ST18: variants seen among roughly 807,000 people sequenced by gnomAD.
The protein encoded by ST18 is suppression of tumorigenicity 18 protein.
Under a neutral mutation model 110.0 loss-of-function variants are expected in ST18, and 50 were observed. The observed-to-expected ratio is 0.45, with a 90% CI of 0.36 to 0.58. The LOEUF (loss-of-function observed/expected upper bound fraction) is 0.58, where lower values mean the gene tolerates loss of function less well. Among genes scored for constraint, ST18 ranks in the 20% least tolerant of loss-of-function variants. The pLI is 0.00. For missense variants in ST18, 1,306 were observed against 1,280.1 expected, an observed-to-expected ratio of 1.02 and a Z score of -0.31; for synonymous variants, 461 against 452.4, an observed-to-expected ratio of 1.02 and a Z score of -0.24.
chr8:52,208,480 T>A (rs1008762589), intron 8 of ST18, among the ~76,000 whole-genome samples: 2 of 152,224 alleles, frequency 1.3e-5, no homozygotes, highest in Admixed American at 6.5e-5. Flanking sequence ...TCTCCCAAGA[T>A]TTAGATAGAA....
At chr8:52,198,442 C>T (rs2076896464) in intron 8 of ST18, among the ~76,000 whole-genome samples, 1 of 152,158 alleles carries the variant, frequency 6.6e-6, no homozygotes, top group South Asian at 2.1e-4. Context: ...TAGATATACA[C>T]AGGTTTTGCT....
intron 3 of ST18, among the ~76,000 whole-genome samples, chr8:52,224,970 C>A (rs928835371): frequency 1.3e-5 from 2 of 152,148 alleles, no homozygotes; most frequent in Non-Finnish European, 2.9e-5. Context: ...AATGCTATGG[C>A]AACTCTCATA....
At chr8:52,239,413 G>GT (rs1307881179) in intron 2 of ST18, among the ~76,000 whole-genome samples, 1 of 152,106 alleles carries the variant, frequency 6.6e-6, no homozygotes, top group Non-Finnish European at 1.5e-5. Flanking sequence ...TCACAGTAAG[G>GT]TGCCTGCATG....
At chr8:52,295,877 G>C (rs577773307) in intron 2 of ST18, among the ~76,000 whole-genome samples, 8 of 152,042 alleles carry the variant, frequency 5.3e-5, no homozygotes, top group Non-Finnish European at 7.4e-5. Context: ...CTGCCTCCCA[G>C]TATGTTCTGC....
At chr8:52,389,621 G>C (rs142082827) in intron 2 of ST18, among the ~76,000 whole-genome samples, 20 of 152,298 alleles carry the variant, frequency 1.3e-4, no homozygotes, top group African/African-American at 4.3e-4. Flanking sequence ...GCAGAGCAGG[G>C]ATGGAAATCT....
rs990603565 is a variant in ST18 at position 52,299,392 on chromosome 8, T to C, written c.-464-69315A>G. Among the ~76,000 whole-genome samples the C allele has an allele frequency of 3.3e-5, 5 of 152,234 alleles. No individual in the cohort carries two copies. In the East Asian group the frequency reaches 9.6e-4, roughly 29 times the overall value. Reference sequence around the variant, plus strand: ...AAACTTTCAATCACATTTTTATTACTAGTTGTTTCATTGTGTTCTTTTTCA... The same window carrying C: ...AAACTTTCAATCACATTTTTATTACCAGTTGTTTCATTGTGTTCTTTTTCA... On this transcript the variant is annotated intron_variant, in intron 2 of 25. Coordinates refer to ENST00000689386, the MANE Select transcript of ST18 (RefSeq NM_001352837.2).
At chr8:52,205,191 T>C (rs1208894479) in intron 8 of ST18, among the ~76,000 whole-genome samples, 1 of 149,824 alleles carries the variant, frequency 6.7e-6, no homozygotes, top group African/African-American at 2.4e-5. Context: ...TATATAATAA[T>C]ATATATATTT....
In ST18 at chr8:52,160,543, A is replaced by G. The variant is rs184654289; in HGVS notation, c.1594+832T>C. On this transcript the variant is annotated intron_variant, in intron 14 of 25. Coordinates refer to ENST00000689386, the MANE Select transcript of ST18 (RefSeq NM_001352837.2). ...ATGGCTATGCAGAATGTTGTAAAAA[A>G]TTCATTGTCTAGGAGAACTCAATGT... is the stretch of plus-strand genomic sequence containing the variant. Among the ~76,000 whole-genome samples, 7 of 152,330 alleles carry G rather than the reference A, an allele frequency of 4.6e-5. No individual in the cohort carries two copies. The East Asian group carries it at 7.7e-4, about 17-fold the overall frequency.
At chr8:52,326,275 G>A (rs1269410401) in intron 2 of ST18, among the ~76,000 whole-genome samples, 5 of 152,168 alleles carry the variant, frequency 3.3e-5, no homozygotes, top group African/African-American at 1.2e-4. Flanking sequence ...AGTGGGGAAG[G>A]GGAGGACAGA....
intron 2 of ST18, among the ~76,000 whole-genome samples, chr8:52,342,901 A>C (rs1172192584): frequency 2.0e-5 from 3 of 152,238 alleles, no homozygotes; most frequent in Admixed American, 2.0e-4. Context: ...TGACCTTTGT[A>C]AGTGTCATAC....
chr8:52,336,557 G>C (rs921128040), intron 2 of ST18, among the ~76,000 whole-genome samples: 3 of 152,202 alleles, frequency 2.0e-5, no homozygotes, highest in African/African-American at 4.8e-5. Context: ...GGAAAGATGA[G>C]CATAGCTAGC....
chr8:52,220,159 C>A (rs2086089452), intron 5 of ST18, among the ~76,000 whole-genome samples: 1 of 152,102 alleles, frequency 6.6e-6, no homozygotes, highest in Admixed American at 6.5e-5. Flanking sequence ...GGGCAAGTAA[C>A]ACACTAAAAG....
chr8:52,172,008 TCTCGCTATCTTCCTC>T lies in ST18; in HGVS notation c.838_852del (p.Glu280_Glu284del). 1 of 1,614,216 alleles carries T rather than the reference TCTCGCTATCTTCCTC, an allele frequency of 6.2e-7. No homozygotes were observed. The highest frequency in any genetic ancestry group is 8.5e-7 in the Non-Finnish European group (1 of 1,180,040). On this transcript the variant is annotated inframe_deletion, in exon 10 of 26. Transcript: ENST00000689386. ...CCCTCTTCCGTCATTACTGCCAGGC[TCTCGCTATCTTCCTC>T]CTCAACGTCAGGGAATGAGGGCTGG...
intron 8 of ST18, among the ~76,000 whole-genome samples, chr8:52,196,665 T>C (rs890502286): frequency 3.3e-5 from 5 of 152,250 alleles, no homozygotes; most frequent in African/African-American, 4.8e-5. Context: ...AGTTATGTTG[T>C]TAATGTCTTT....
At chr8:52,250,330 G>A (rs541934638) in intron 2 of ST18, among the ~76,000 whole-genome samples, 1 of 150,970 alleles carries the variant, frequency 6.6e-6, no homozygotes, top group Non-Finnish European at 1.5e-5. Context: ...CCTTTTGCCT[G>A]TGCTCTATTT....
chr8:52,280,691 G>A (rs990090429), intron 2 of ST18, among the ~76,000 whole-genome samples: 4 of 151,750 alleles, frequency 2.6e-5, no homozygotes, highest in South Asian at 4.2e-4. Context: ...ATAACAATTC[G>A]GGACTTGTAA....
chr8:52,288,409 A>G (rs13264017), intron 2 of ST18, among the ~76,000 whole-genome samples: 102,028 of 152,038 alleles, frequency 0.67, 34,684 homozygotes, highest in South Asian at 0.81. Context: ...GCCTATTAAG[A>G]GTATTAATAG....
At chr8:52,260,403 A>T (rs923739464) in intron 2 of ST18, among the ~76,000 whole-genome samples, 2 of 150,692 alleles carry the variant, frequency 1.3e-5, no homozygotes, top group Non-Finnish European at 2.9e-5. Flanking sequence ...ACACAGCTCA[A>T]TCACTCTGTC....
At chr8:52,241,130 C>T (rs910004605) in intron 2 of ST18, among the ~76,000 whole-genome samples, 2 of 152,214 alleles carry the variant, frequency 1.3e-5, no homozygotes, top group South Asian at 2.1e-4. Flanking sequence ...GCTTGCCTCT[C>T]GCATAGGTCC....
Sources: allele counts gnomAD v4.1 joint callset (sites outside exome capture counted in the v4.1 genomes callset), GRCh38; gene constraint gnomAD v4.1.1; transcripts MANE v1.5; gene names NCBI Gene and HGNC (gene_info 2026-07-23, HGNC 2026-07-21).